Variants in CDYL2 observed in about 807,000 individuals in gnomAD.
CDYL2 encodes the protein chromodomain Y-like protein 2.
CDYL2 carries 23 observed loss-of-function variants against 49.4 expected under a neutral mutation model. The ratio of observed to expected loss-of-function variants is 0.47; its 90% confidence interval spans 0.34 to 0.66. CDYL2 has a LOEUF of 0.66. CDYL2 is among the 30% of genes least tolerant of loss of function. The probability of loss-of-function intolerance (pLI) is 0.01; values close to 1 mark genes in which losing one functional copy is unlikely to be tolerated. For missense variants in CDYL2, 678 were observed against 656.4 expected (o/e 1.03, Z -0.36); for synonymous variants, 360 against 268.8 (o/e 1.34, Z -3.32).
chr16:80,607,616 T>C (rs1251064212), intron 6 of CDYL2, among the ~76,000 whole-genome samples: 1 of 152,236 alleles, frequency 6.6e-6, no homozygotes, highest in Non-Finnish European at 1.5e-5. Flanking sequence ...TATTTGTTTA[T>C]GTATTTTTCA....
rs1460548652 is a variant in CDYL2, at chr16:80,717,219, G to A, written c.25-32090C>T. On this transcript the variant is annotated intron_variant, in intron 1 of 6. Transcript: ENST00000570137. ...CAGCCCTGCTGACACACAGTGTGGTGACTAGCCATTCTTACTATTCAACTT... is the reference window on the plus strand; with the variant it reads ...CAGCCCTGCTGACACACAGTGTGGTAACTAGCCATTCTTACTATTCAACTT... 5.3e-5 allele frequency among the ~76,000 whole-genome samples: 8 copies of A among 152,254 alleles called. No individual in the cohort carries two copies. In the East Asian group the frequency reaches 1.5e-3, roughly 29 times the overall value.
At chr16:80,638,651 G>A (rs1055420117) in intron 2 of CDYL2, among the ~76,000 whole-genome samples, 1 of 151,902 alleles carries the variant, frequency 6.6e-6, no homozygotes, top group Non-Finnish European at 1.5e-5. Context: ...TATGATAGAC[G>A]ACCCAGAAAT....
intron 1 of CDYL2, among the ~76,000 whole-genome samples, chr16:80,701,316 T>G (rs944568827): frequency 6.6e-6 from 1 of 152,226 alleles, no homozygotes; most frequent in Non-Finnish European, 1.5e-5. Context: ...GCCTAATTAT[T>G]AACAATGGTT....
At chr16:80,711,390 G>C (rs1389793169) in intron 1 of CDYL2, among the ~76,000 whole-genome samples, 2 of 152,214 alleles carry the variant, frequency 1.3e-5, no homozygotes, top group Non-Finnish European at 2.9e-5. Flanking sequence ...CTTGTGGAGG[G>C]CTGCATGCAC....
At chr16:80,775,660 T>C (rs550864005) in intron 1 of CDYL2, among the ~76,000 whole-genome samples, 2 of 152,004 alleles carry the variant, frequency 1.3e-5, no homozygotes, top group East Asian at 1.9e-4. Context: ...TAACATATGA[T>C]GTCATAAATA....
chr16:80,684,700 A>C lies in CDYL2; in HGVS notation c.454T>G (p.Ser152Ala). The stretch of plus-strand genomic sequence containing the variant: ...TCCCCATTTTCCATCCCGTTCTGAG[A>C]CTTTTTCAGGGGCATTATTTGCAAA... Reference protein sequence around the residue: ...SGLQIMPLKKSQNGMENGDAG... With the variant: ...SGLQIMPLKKAQNGMENGDAG... The change falls in exon 2 of 7, where the codon TCT becomes GCT. Residue 152 changes from serine (S) to alanine (A), a missense_variant. This residue lies in a region of CDYL2 where 478 missense variants were observed against 427.0 expected (regional missense o/e 1.12). Coordinates refer to ENST00000570137, the MANE Select transcript of CDYL2 (RefSeq NM_152342.4). The C allele has an allele frequency of 6.2e-7, 1 of 1,613,920 alleles. No individual in the cohort carries two copies. The highest frequency in any genetic ancestry group is 8.5e-7 in the Non-Finnish European group (1 of 1,179,984).
At chr16:80,779,641 T>C (rs1388333051) in intron 1 of CDYL2, among the ~76,000 whole-genome samples, 1 of 152,120 alleles carries the variant, frequency 6.6e-6, no homozygotes, top group Non-Finnish European at 1.5e-5. Flanking sequence ...AACAAAGTGA[T>C]AAAATATATG....
chr16:80,733,926 C>T (rs1224052663), intron 1 of CDYL2, among the ~76,000 whole-genome samples: 1 of 152,086 alleles, frequency 6.6e-6, no homozygotes, highest in East Asian at 1.9e-4. Flanking sequence ...GCAATGACTC[C>T]CCAACAGGAT....
intron 2 of CDYL2, among the ~76,000 whole-genome samples, chr16:80,647,715 C>A (rs1908412322): frequency 6.6e-6 from 1 of 152,144 alleles, no homozygotes; most frequent in African/African-American, 2.4e-5. Flanking sequence ...AACATTTAAT[C>A]CAATGGCTGC....
rs1337099850 is a variant in CDYL2, at chr16:80,776,706, A to G, written c.24+27444T>C. On this transcript the variant is annotated intron_variant, in intron 1 of 6. Coordinates refer to ENST00000570137, the MANE Select transcript of CDYL2 (RefSeq NM_152342.4). ...AAATCTTAAAAGCATAATGTAGAGT[A>G]AAAAAAGCAAGATGCAGAAGAATTC... Among the ~76,000 whole-genome samples, 5 of 151,872 alleles carry G rather than the reference A, an allele frequency of 3.3e-5. No homozygotes were observed. In the East Asian group the frequency reaches 7.7e-4, roughly 23 times the overall value.
chr16:80,657,898 A>G (rs1908877000), intron 2 of CDYL2, among the ~76,000 whole-genome samples: 1 of 152,188 alleles, frequency 6.6e-6, no homozygotes, highest in African/African-American at 2.4e-5. Context: ...GAAACTACCT[A>G]AATGTGCAAG....
chr16:80,657,929 T>C (rs1045105185), intron 2 of CDYL2, among the ~76,000 whole-genome samples: 9 of 152,066 alleles, frequency 5.9e-5, no homozygotes, highest in Admixed American at 6.6e-5. Flanking sequence ...TGAAATAAAC[T>C]ACGATGCACC....
intron 1 of CDYL2, among the ~76,000 whole-genome samples, chr16:80,741,156 TAC>T (rs773974896): frequency 2.7e-5 from 4 of 149,230 alleles, no homozygotes; most frequent in Admixed American, 1.3e-4. Flanking sequence ...AACATATATA[TAC>T]ATAATATATA....
intron 2 of CDYL2, among the ~76,000 whole-genome samples, chr16:80,636,605 G>T (rs1291097615): frequency 6.6e-6 from 1 of 152,188 alleles, no homozygotes; most frequent in African/African-American, 2.4e-5. Flanking sequence ...CACTTTTGGT[G>T]GGAGTGTAAA....
At chr16:80,629,230 C>T (rs1271593496) in intron 3 of CDYL2, among the ~76,000 whole-genome samples, 1 of 152,012 alleles carries the variant, frequency 6.6e-6, no homozygotes, top group Non-Finnish European at 1.5e-5. Context: ...ATTCTGCCTG[C>T]CTTATGCAGA....
At chr16:80,710,401 G>A (rs535594654) in intron 1 of CDYL2, among the ~76,000 whole-genome samples, 50 of 152,274 alleles carry the variant, frequency 3.3e-4, no homozygotes, top group South Asian at 1.5e-3. Context: ...TTTGAACCAA[G>A]TAATTCGACA....
chr16:80,609,270 T>C (rs1022870568), intron 5 of CDYL2, among the ~76,000 whole-genome samples: 8 of 152,164 alleles, frequency 5.3e-5, no homozygotes, highest in Non-Finnish European at 1.2e-4. Flanking sequence ...GTCAAATCCA[T>C]GTGATAGGGT....
chr16:80,709,700 T>C (rs1904528584), intron 1 of CDYL2, among the ~76,000 whole-genome samples: 1 of 152,042 alleles, frequency 6.6e-6, no homozygotes, highest in Non-Finnish European at 1.5e-5. Flanking sequence ...CCACAATAAT[T>C]ACTAGCCCTT....
At chr16:80,636,469 G>A (rs4325579) in intron 2 of CDYL2, among the ~76,000 whole-genome samples, 12,596 of 152,212 alleles carry the variant, frequency 0.083, 987 homozygotes, top group Admixed American at 0.24. Flanking sequence ...CATCATCACC[G>A]GTCATTACAG....
Sources: allele counts gnomAD v4.1 joint callset (sites outside exome capture counted in the v4.1 genomes callset), GRCh38; gene constraint gnomAD v4.1.1; regional missense constraint gnomAD v4.1.1; transcripts MANE v1.5; gene names NCBI Gene and HGNC (gene_info 2026-07-23, HGNC 2026-07-21).